NRXN3: variants seen among roughly 807,000 people sequenced by gnomAD.
The protein encoded by NRXN3 is neurexin 3.
Under a neutral mutation model 137.6 loss-of-function variants are expected in NRXN3, and 32 were observed. That is an observed-to-expected ratio of 0.23 (90% CI 0.18 to 0.31). NRXN3 has a LOEUF of 0.31. NRXN3 is among the 10% of genes least tolerant of loss of function. The probability of loss-of-function intolerance (pLI) is 1.00; values close to 1 mark genes in which losing one functional copy is unlikely to be tolerated. For missense variants in NRXN3, 1,574 were observed against 2,062.5 expected, an observed-to-expected ratio of 0.76 and a Z score of 4.59; for synonymous variants, 798 against 784.5, an observed-to-expected ratio of 1.02 and a Z score of -0.29.
chr14:78,730,486 C>T (rs2098509964), intron 8 of NRXN3, among the ~76,000 whole-genome samples: 1 of 152,106 alleles, frequency 6.6e-6, no homozygotes, highest in African/African-American at 2.4e-5. Flanking sequence ...GCAATAATGT[C>T]TATTGTTTAA....
At chr14:79,038,896 A>T (rs1413625884) in intron 15 of NRXN3, among the ~76,000 whole-genome samples, 1 of 152,126 alleles carries the variant, frequency 6.6e-6, no homozygotes, top group African/African-American at 2.4e-5. Context: ...GCCATAAAGT[A>T]TGATTTATTT....
intron 10 of NRXN3, among the ~76,000 whole-genome samples, chr14:78,863,994 T>C (rs2099079976): frequency 6.6e-6 from 1 of 152,150 alleles, no homozygotes. Flanking sequence ...ACAACTCCTG[T>C]GAACATATTG....
chr14:78,779,324 A>T (rs1017089587), intron 8 of NRXN3, among the ~76,000 whole-genome samples: 6 of 152,150 alleles, frequency 3.9e-5, no homozygotes, highest in Admixed American at 6.5e-5. Flanking sequence ...CAGCATATTT[A>T]TTAAAAGTAA....
chr14:78,478,964 A>AT (rs2095426555), intron 4 of NRXN3, among the ~76,000 whole-genome samples: 1 of 152,196 alleles, frequency 6.6e-6, no homozygotes, highest in African/African-American at 2.4e-5. Context: ...GTTAGTTGTC[A>AT]TATCACCAAC....
chr14:78,637,424 C>A (rs1488670035), intron 4 of NRXN3, among the ~76,000 whole-genome samples: 1 of 152,198 alleles, frequency 6.6e-6, no homozygotes, highest in Non-Finnish European at 1.5e-5. Context: ...ACCTACCAAA[C>A]CCTTACTACA....
chr14:78,811,184 A>T (rs1031961317), intron 10 of NRXN3, among the ~76,000 whole-genome samples: 1 of 152,242 alleles, frequency 6.6e-6, no homozygotes, highest in African/African-American at 2.4e-5. Flanking sequence ...TACTGTAACA[A>T]GCAATCCCAA....
chr14:78,392,822 G>C (rs943607398), intron 4 of NRXN3, among the ~76,000 whole-genome samples: 6 of 152,114 alleles, frequency 3.9e-5, no homozygotes, highest in African/African-American at 1.4e-4. Context: ...TCAAATAAAA[G>C]TGTTTAATGC....
At chr14:79,668,237 A>G (rs534957995) in intron 17 of NRXN3, among the ~76,000 whole-genome samples, 1 of 152,220 alleles carries the variant, frequency 6.6e-6, no homozygotes, top group East Asian at 1.9e-4. Context: ...GAGTTTGTCA[A>G]ATTCCACAGA....
At chr14:78,948,892 A>T (rs1482329313) in intron 10 of NRXN3, among the ~76,000 whole-genome samples, 2 of 152,108 alleles carry the variant, frequency 1.3e-5, no homozygotes, top group Non-Finnish European at 2.9e-5. Flanking sequence ...ACCAGAGAGG[A>T]AGGATTTTTC....
chr14:78,826,758 A>G (rs979751599), intron 10 of NRXN3, among the ~76,000 whole-genome samples: 4 of 152,196 alleles, frequency 2.6e-5, no homozygotes, highest in African/African-American at 7.2e-5. Context: ...ATTTTGGTAT[A>G]CTTTTAATAC....
At chr14:79,019,039 C>G (rs1040909004) in intron 15 of NRXN3, among the ~76,000 whole-genome samples, 3 of 151,862 alleles carry the variant, frequency 2.0e-5, no homozygotes, top group Non-Finnish European at 2.9e-5. Flanking sequence ...ACGTTTTTTT[C>G]TTTTCTGATA....
chr14:78,620,269 A>G (rs189111881), intron 4 of NRXN3, among the ~76,000 whole-genome samples: 185 of 152,352 alleles, frequency 1.2e-3, no homozygotes, highest in African/African-American at 4.1e-3. Context: ...ACAAATGCAG[A>G]TAGAATGTTT....
intron 14 of NRXN3, among the ~76,000 whole-genome samples, chr14:78,979,414 T>C (rs2099482584): frequency 1.3e-5 from 2 of 152,214 alleles, no homozygotes; most frequent in African/African-American, 2.4e-5. Flanking sequence ...TCTATAGACT[T>C]ATTTATATGA....
intron 15 of NRXN3, among the ~76,000 whole-genome samples, chr14:79,247,577 A>G (rs560665748): frequency 1.9e-4 from 29 of 152,232 alleles, no homozygotes; most frequent in African/African-American, 6.5e-4. Context: ...TTATTTTTCT[A>G]CATTTCAAAA....
intron 6 of NRXN3, among the ~76,000 whole-genome samples, chr14:78,675,411 G>A (rs1297018713): frequency 3.3e-5 from 5 of 152,190 alleles, no homozygotes; most frequent in Non-Finnish European, 7.3e-5. Flanking sequence ...GTCAAAGGAA[G>A]AAGAGAAGCC....
intron 16 of NRXN3, among the ~76,000 whole-genome samples, chr14:79,506,199 C>G (rs1433208723): frequency 1.3e-5 from 2 of 152,094 alleles, no homozygotes; most frequent in Non-Finnish European, 2.9e-5. Flanking sequence ...CATATACATT[C>G]AAGGGGAGGG....
At chr14:78,236,348 T>C (rs566384042) in intron 1 of NRXN3, among the ~76,000 whole-genome samples, 2 of 152,360 alleles carry the variant, frequency 1.3e-5, no homozygotes, top group East Asian at 3.9e-4. Context: ...ACATACAGTA[T>C]GTGTCTTACT....
chr14:78,756,159 C>T (rs963309624), intron 8 of NRXN3, among the ~76,000 whole-genome samples: 11 of 152,050 alleles, frequency 7.2e-5, no homozygotes, highest in African/African-American at 2.7e-4. Flanking sequence ...GTATAATATC[C>T]AAGAAAAACC....
At chr14:79,659,905 C>T (rs1333423452) in intron 16 of NRXN3, among the ~76,000 whole-genome samples, 2 of 152,122 alleles carry the variant, frequency 1.3e-5, no homozygotes, top group African/African-American at 4.8e-5. Context: ...ATGGGTGGTT[C>T]CTTCTCCTGA....
Sources: allele counts gnomAD v4.1 joint callset (sites outside exome capture counted in the v4.1 genomes callset), GRCh38; gene constraint gnomAD v4.1.1; transcripts MANE v1.5; gene names NCBI Gene and HGNC (gene_info 2026-07-23, HGNC 2026-07-21).